The following TMEM87B variants were observed in gnomAD, a reference collection of about 807,000 sequenced individuals.
TMEM87B encodes transmembrane protein 87B.
In TMEM87B, 83 loss-of-function variants were observed where a neutral mutation model predicts 80.3. The ratio of observed to expected loss-of-function variants is 1.03; its 90% CI spans 0.87 to 1.24. The LOEUF (loss-of-function observed/expected upper bound fraction) is 1.24, where lower values mean the gene tolerates loss of function less well. TMEM87B is among the 50% of genes most tolerant of loss of function. The pLI is 0.00. For synonymous variants in TMEM87B, 219 were observed against 230.5 expected, an observed-to-expected ratio of 0.95 and a Z score of 0.45; for missense variants, 625 against 674.4, an observed-to-expected ratio of 0.93 and a Z score of 0.81.
rs113132532 is a variant in TMEM87B at position 112,116,311 on chromosome 2, G to C, written c.*168G>C. 2,589 of 569,144 alleles carry C rather than the reference G, an allele frequency of 4.5e-3. 54 individuals are homozygous for C. The highest frequency in any genetic ancestry group is 0.043 in the African/African-American group (2,285 of 53,246). The allele number at this position is 569,144 out of a possible 1,614,324, so 35.3% of individuals were successfully genotyped here. On this transcript the variant is annotated 3_prime_UTR_variant, in exon 19 of 19. Coordinates refer to ENST00000283206, the MANE Select transcript of TMEM87B (RefSeq NM_032824.3). ...TAGGAGGTTCTATAGTCCTTTTAAA[G>C]CTGACTCTTGAGTGTCAGTTGAATA...
At chr2:112,097,354 C>A in intron 13 of TMEM87B, 63 bp downstream of exon 13, 1 of 1,338,862 alleles carries the variant, frequency 7.5e-7, no homozygotes, top group Non-Finnish European at 1.0e-6. Context: ...GAATTTTGAA[C>A]AATTTAGTTT....
rs1201442278 is a variant in TMEM87B, at chr2:112,055,907, CCGGGGAGCGG to C, written c.165+152_165+161del. On this transcript the variant is annotated intron_variant, in intron 1 of 18. Transcript: ENST00000283206. ...TCCCTGAGCCTTTTGTCTGTTACAGCCGGGGAGCGGGGAGCGGCCCCTCCTCCGGCCCGAC... is the reference window on the plus strand; with the variant it reads ...TCCCTGAGCCTTTTGTCTGTTACAGCGGAGCGGCCCCTCCTCCGGCCCGAC... The C allele has an allele frequency of 5.7e-4, 647 of 1,137,872 alleles. 1 individual carries two copies. Among genetic ancestry groups the C allele is most frequent in the Non-Finnish European group, 6.1e-4 (521 of 857,460 alleles). The allele number at this position is 1,137,872 out of a possible 1,614,324, so 70.5% of individuals were successfully genotyped here.
At chr2:112,110,110 T>C (rs1279702336) in intron 17 of TMEM87B, among the ~76,000 whole-genome samples, 2 of 152,160 alleles carry the variant, frequency 1.3e-5, no homozygotes, top group Non-Finnish European at 2.9e-5. Context: ...GTCAGTGTTT[T>C]TTGTGGAAGG....
intron 2 of TMEM87B, among the ~76,000 whole-genome samples, chr2:112,063,710 A>G (rs181985395): frequency 6.6e-5 from 10 of 152,276 alleles, no homozygotes. Flanking sequence ...GACTATTCTC[A>G]GCCTCTGGGA....
intron 10 of TMEM87B, among the ~76,000 whole-genome samples, chr2:112,090,973 A>G (rs543135750): frequency 6.6e-6 from 1 of 152,328 alleles, no homozygotes; most frequent in South Asian, 2.1e-4. Flanking sequence ...CCACGTTTGT[A>G]TGATCATGAA....
intron 17 of TMEM87B, among the ~76,000 whole-genome samples, chr2:112,110,685 T>C (rs1679886092): frequency 6.6e-6 from 1 of 151,970 alleles, no homozygotes; most frequent in South Asian, 2.1e-4. Flanking sequence ...GTAGGAGAGG[T>C]TGGTGTTGTT....
intron 10 of TMEM87B, among the ~76,000 whole-genome samples, chr2:112,089,973 G>A (rs1380274637): frequency 6.6e-6 from 1 of 152,210 alleles, no homozygotes; most frequent in Non-Finnish European, 1.5e-5. Context: ...TCCCAGAAAG[G>A]TTCATGGTTG....
intron 4 of TMEM87B, among the ~76,000 whole-genome samples, chr2:112,068,201 C>T (rs768413776): frequency 2.1e-4 from 32 of 152,066 alleles, no homozygotes; most frequent in Admixed American, 3.9e-4. Flanking sequence ...GGGACAAGAG[C>T]GAGACTCCGT....
rs1384842388 is a variant in TMEM87B, at chr2:112,117,494, C to T, written c.*1351C>T. The T allele has an allele frequency of 1.3e-5, 2 of 151,724 alleles. No homozygotes were observed. The highest frequency in any genetic ancestry group is 1.3e-4 in the Admixed American group (2 of 15,222). The allele number at this position is 151,724 out of a possible 1,614,324, so 9.4% of individuals were successfully genotyped here. A position where few individuals can be genotyped will look rare whatever the true frequency, so the allele number is the denominator to read the frequency against. On this transcript the variant is annotated 3_prime_UTR_variant, in exon 19 of 19. Transcript: ENST00000283206. ...GAATTTATTTCTTGTTTACTCATTT[C>T]AGAGAGGGTAGTAAAGAAGATCTAT...
chr2:112,105,000 G>A (rs551313699), intron 15 of TMEM87B, among the ~76,000 whole-genome samples: 36 of 152,014 alleles, frequency 2.4e-4, no homozygotes, highest in Non-Finnish European at 4.6e-4. Context: ...GGTGAGGTGG[G>A]GATTGACCAG....
Position 112,098,703 on chromosome 2 carries a change from C to G in TMEM87B, c.1376+5C>G. 1 of 1,612,964 alleles carries G rather than the reference C, an allele frequency of 6.2e-7. No individual in the cohort carries two copies. The highest frequency in any genetic ancestry group is 1.7e-5 in the Admixed American group (1 of 59,974). On this transcript the variant is annotated splice_donor_5th_base_variant and intron_variant, in intron 14 of 18. Coordinates refer to ENST00000283206, the MANE Select transcript of TMEM87B (RefSeq NM_032824.3). ...ACCATCAGCAAACAATCAGAGGTAC[C>G]TAACATAGGAAATTTCAAGTCGTCA...
At chr2:112,112,311 T>C (rs1387934900) in intron 17 of TMEM87B, among the ~76,000 whole-genome samples, 1 of 152,240 alleles carries the variant, frequency 6.6e-6, no homozygotes, top group Non-Finnish European at 1.5e-5. Flanking sequence ...AACACTTCTC[T>C]CTGGTACCCT....
chr2:112,069,488 A>G (rs1459033409), intron 4 of TMEM87B, among the ~76,000 whole-genome samples: 1 of 152,176 alleles, frequency 6.6e-6, no homozygotes, highest in African/African-American at 2.4e-5. Flanking sequence ...TGTCCCTGCA[A>G]AGGACACGAT....
intron 6 of TMEM87B, among the ~76,000 whole-genome samples, chr2:112,080,819 G>A (rs1678973615): frequency 6.6e-6 from 1 of 152,144 alleles, no homozygotes; most frequent in Non-Finnish European, 1.5e-5. Context: ...CCAGTGTTAT[G>A]TAGTGTTCTC....
chr2:112,109,735 G>A (rs893006152), intron 17 of TMEM87B, among the ~76,000 whole-genome samples: 5 of 132,666 alleles, frequency 3.8e-5, no homozygotes, highest in African/African-American at 1.5e-4. Context: ...ATGTCCCATG[G>A]TCATTTTCCA....
At position 112,055,695 on chromosome 2, in the gene TMEM87B, G is replaced by A; in HGVS notation, c.104G>A (p.Trp35Ter). The change falls in exon 1 of 19, where the codon TGG becomes TAG. Residue 35 changes from tryptophan to a stop codon, truncating the protein, a stop_gained. Coordinates refer to ENST00000283206, the MANE Select transcript of TMEM87B (RefSeq NM_032824.3). LOFTEE classifies it high-confidence loss of function. Reference sequence around the variant, plus strand: ...CGCGTCGCCCTCTGCCTCCTGTGCTGGACCCCGGCGGCTGTGCGCGCGGTC... The same window carrying A: ...CGCGTCGCCCTCTGCCTCCTGTGCTAGACCCCGGCGGCTGTGCGCGCGGTC... ...LLRVALCLLC[W>*]TPAAVRAVPE... 3.9e-6 allele frequency: 6 copies of A among 1,557,524 alleles called. No homozygotes were observed. Among genetic ancestry groups the A allele is most frequent in the Non-Finnish European group, 5.2e-6 (6 of 1,158,302 alleles).
chr2:112,064,157 A>G lies in TMEM87B; in HGVS notation c.227-5A>G. ...TGTAAAACAAGACTTTCTTTTTCTA[A>G]ACAGTTAAGTCATTCCATTGTTCTG... On this transcript the variant is annotated splice_polypyrimidine_tract_variant and splice_region_variant and intron_variant, in intron 2 of 18. Coordinates refer to ENST00000283206, the MANE Select transcript of TMEM87B (RefSeq NM_032824.3). 6.2e-7 allele frequency: 1 copy of G among 1,612,158 alleles called. No homozygotes were observed. The highest frequency in any genetic ancestry group is 8.5e-7 in the Non-Finnish European group (1 of 1,179,104).
chr2:112,082,094 C>T (rs1679015495), intron 8 of TMEM87B, among the ~76,000 whole-genome samples: 1 of 152,044 alleles, frequency 6.6e-6, no homozygotes, highest in Non-Finnish European at 1.5e-5. Context: ...AGATGTGTGC[C>T]CCAGACTTCT....
At chr2:112,090,345 T>C (rs1346106007) in intron 10 of TMEM87B, among the ~76,000 whole-genome samples, 1 of 152,064 alleles carries the variant, frequency 6.6e-6, no homozygotes. Flanking sequence ...ACTTTTATTT[T>C]GTGCGGTTTT....
Sources: allele counts gnomAD v4.1 joint callset (sites outside exome capture counted in the v4.1 genomes callset), GRCh38; gene constraint gnomAD v4.1.1; transcripts MANE v1.5; gene names NCBI Gene and HGNC (gene_info 2026-07-23, HGNC 2026-07-21).